PHLDB2: variants seen among roughly 807,000 people sequenced by gnomAD.
PHLDB2 encodes pleckstrin homology like domain family B member 2.
In PHLDB2, 71 loss-of-function variants were observed where a neutral mutation model predicts 123.6. That is an observed-to-expected ratio of 0.57 (90% CI 0.47 to 0.70). The LOEUF (loss-of-function observed/expected upper bound fraction) is 0.70. Among genes scored for constraint, PHLDB2 ranks in the 30% least tolerant of loss-of-function variants. The pLI, the probability that PHLDB2 is intolerant of heterozygous loss-of-function variation, is 0.00. For synonymous variants in PHLDB2, 547 were observed against 541.6 expected (o/e 1.01, Z -0.14); for missense variants, 1,446 against 1,519.5 (o/e 0.95, Z 0.80).
chr3:111,960,363 TA>T (rs1027374365), intron 12 of PHLDB2, among the ~76,000 whole-genome samples: 1 of 152,218 alleles, frequency 6.6e-6, no homozygotes, highest in East Asian at 1.9e-4. Flanking sequence ...TATATGGCTT[TA>T]AAAAATACAT....
chr3:111,854,328 A>C (rs2064390197), upstream of PHLDB2, among the ~76,000 whole-genome samples: 1 of 152,240 alleles, frequency 6.6e-6, no homozygotes, highest in African/African-American at 2.4e-5. Flanking sequence ...GAGCCAAACC[A>C]TATTAGCTAG....
At chr3:111,735,089 T>A (rs752946855) in intron 1 of PHLDB2, among the ~76,000 whole-genome samples, 10 of 152,318 alleles carry the variant, frequency 6.6e-5, no homozygotes, top group Non-Finnish European at 8.8e-5. Flanking sequence ...GAGCCCCAAC[T>A]AAAGTACAAC....
chr3:111,917,772 A>T (rs951956221), intron 3 of PHLDB2: 1 of 152,226 alleles, frequency 6.6e-6, no homozygotes, highest in Non-Finnish European at 1.5e-5. Context: ...TATAAATATG[A>T]ATAAAGCATA....
At chr3:111,964,085 G>C (rs911058854) in intron 13 of PHLDB2, among the ~76,000 whole-genome samples, 1 of 152,054 alleles carries the variant, frequency 6.6e-6, no homozygotes, top group Admixed American at 6.6e-5. Context: ...TTGACATTCA[G>C]AAGATCTCAT....
chr3:111,853,211 C>T (rs1004113284), intron 2 of PHLDB2, among the ~76,000 whole-genome samples: 1 of 151,836 alleles, frequency 6.6e-6, no homozygotes, highest in African/African-American at 2.4e-5. Context: ...TCTTTATTAC[C>T]GTTACACAAA....
intron 2 of PHLDB2, among the ~76,000 whole-genome samples, chr3:111,906,840 C>G (rs1282960): frequency 0.38 from 58,097 of 151,982 alleles, 11,570 homozygotes; most frequent in East Asian, 0.71. Flanking sequence ...CTTTTGTTTC[C>G]TCTTTCCAGC....
chr3:111,907,576 A>G (rs2067623421), intron 2 of PHLDB2, among the ~76,000 whole-genome samples: 1 of 151,858 alleles, frequency 6.6e-6, no homozygotes, highest in South Asian at 2.1e-4. Context: ...GCTCACTGCA[A>G]CCTTTGCCTC....
intron 5 of PHLDB2, among the ~76,000 whole-genome samples, chr3:111,921,068 C>G (rs2068470745): frequency 6.6e-6 from 1 of 152,192 alleles, no homozygotes; most frequent in African/African-American, 2.4e-5. Context: ...GGATCACAAC[C>G]TGAATGGTGG....
At position 111,952,602 on chromosome 3, in the gene PHLDB2, C is replaced by T. The variant is rs1236885491; in HGVS notation, c.2662C>T (p.Gln888Ter). Residue 888 changes from glutamine (Q) to a stop codon, truncating the protein, a stop_gained, in exon 11 of 18, where the codon CAG (glutamine) becomes TAG (stop). Transcript: ENST00000431670. LOFTEE classifies it high-confidence loss of function. ...TAGAAGTCTGGAAGAAAGGAAAAAACAGCATAAAGAAGGCCTCTATCTGAG... is the reference window on the plus strand; with the variant it reads ...TAGAAGTCTGGAAGAAAGGAAAAAATAGCATAAAGAAGGCCTCTATCTGAG... ...HFRSLEERKK[Q>*]HKEGLYLSDT... 2.5e-6 allele frequency: 4 copies of T among 1,612,902 alleles called. No homozygotes were observed. Among genetic ancestry groups the T allele is most frequent in the Non-Finnish European group, 3.4e-6 (4 of 1,179,624 alleles).
chr3:111,845,179 C>A (rs1290545614), intron 1 of PHLDB2, among the ~76,000 whole-genome samples: 1 of 151,502 alleles, frequency 6.6e-6, no homozygotes, highest in Non-Finnish European at 1.5e-5. Context: ...ATGGTGAAAC[C>A]CCGTCTCTAC....
At chr3:111,775,752 C>T (rs2108064968) in intron 1 of PHLDB2, among the ~76,000 whole-genome samples, 1 of 152,228 alleles carries the variant, frequency 6.6e-6, no homozygotes, top group East Asian at 1.9e-4. Flanking sequence ...GATATGCGTT[C>T]CCCTAGTGAA....
At chr3:111,958,377 C>A in intron 12 of PHLDB2, 3 of 858,012 alleles carry the variant, frequency 3.5e-6, no homozygotes, top group Non-Finnish European at 4.2e-6. Flanking sequence ...AGTCATCTTA[C>A]TTTCTATATT....
Position 111,884,143 on chromosome 3 carries a change from T to A in PHLDB2, c.66T>A (p.Ser22=), listed in dbSNP as rs1247158199. The A allele has an allele frequency of 6.2e-7, 1 of 1,614,136 alleles. No homozygotes were observed. The highest frequency in any genetic ancestry group is 8.5e-7 in the Non-Finnish European group (1 of 1,179,960). The change falls in exon 2 of 18, where the codon TCT becomes TCA. Residue 22 remains serine (S), a synonymous_variant. Coordinates refer to ENST00000431670, the MANE Select transcript of PHLDB2 (RefSeq NM_001134438.2). The part of the protein sequence containing the change: ...DLQNGSLEED[S]VVHSVENDSQ... ...AAAATGGTAGCTTAGAGGAAGACTC[T>A]GTGGTGCATTCTGTTGAGAACGATT... is the stretch of plus-strand genomic sequence containing the variant.
intron 12 of PHLDB2, chr3:111,957,628 G>T (rs6438024): frequency 0.62 from 94,076 of 152,100 alleles, 31,628 homozygotes; most frequent in East Asian, 0.9. Flanking sequence ...AAAAAGGACA[G>T]GTATAAATAA....
chr3:111,732,937 C>G (rs1403905715), intron 1 of PHLDB2, among the ~76,000 whole-genome samples: 1 of 152,104 alleles, frequency 6.6e-6, no homozygotes, highest in East Asian at 1.9e-4. Context: ...ATTTCAGAAA[C>G]TTGGAAGGTT....
At chr3:111,817,621 T>C (rs1356797337) in intron 1 of PHLDB2, among the ~76,000 whole-genome samples, 1 of 152,236 alleles carries the variant, frequency 6.6e-6, no homozygotes, top group East Asian at 1.9e-4. Context: ...TCCCATATTT[T>C]CTAGCATTTT....
rs2070451488 is a variant in PHLDB2 at position 111,948,262 on chromosome 3, TG to T, written c.2488-669del. ...TTAGGACTCCGTGTGTGTGTGTGTG[TG>T]TGCATGTGTGTCTGTGTGTTTGTGC... On this transcript the variant is annotated intron_variant, in intron 9 of 17. Coordinates refer to ENST00000431670, the MANE Select transcript of PHLDB2 (RefSeq NM_001134438.2). Among the ~76,000 whole-genome samples, 17 of 152,258 alleles carry T rather than the reference TG, an allele frequency of 1.1e-4. No individual in the cohort carries two copies. The South Asian group carries it at 3.5e-3, about 32-fold the overall frequency.
intron 1 of PHLDB2, among the ~76,000 whole-genome samples, chr3:111,782,858 G>C (rs867633075): frequency 2.6e-5 from 4 of 151,964 alleles, no homozygotes; most frequent in Admixed American, 2.6e-4. Context: ...AGAGAAAAAA[G>C]TTTTGAAATA....
chr3:111,853,691 C>T (rs1334349931), intron 2 of PHLDB2, among the ~76,000 whole-genome samples: 2 of 152,112 alleles, frequency 1.3e-5, no homozygotes, highest in African/African-American at 4.8e-5. Flanking sequence ...GCCTGACCAA[C>T]ATGGTGAAAT....
Sources: gnomAD v4.1 joint callset for allele counts (sites outside exome capture counted in the v4.1 genomes callset) on GRCh38, gnomAD v4.1.1 for gene constraint, MANE v1.5 for transcripts, NCBI Gene and HGNC (gene_info 2026-07-23, HGNC 2026-07-21) for gene names.